The following CNOT1 variants were observed in gnomAD, a reference collection of about 807,000 sequenced individuals.
CNOT1 encodes CCR4-associated factor 1.
Under a neutral mutation model 273.8 loss-of-function variants are expected in CNOT1, and 15 were observed. The observed-to-expected ratio is 0.05, with a 90% CI of 0.04 to 0.08. The LOEUF (loss-of-function observed/expected upper bound fraction) is 0.08. Ranked by LOEUF, CNOT1 falls within the 10% of genes least tolerant of loss-of-function variation. The pLI, the probability that CNOT1 is intolerant of heterozygous loss-of-function variation, is 1.00. For missense variants in CNOT1, 1,644 were observed against 2,912.2 expected (o/e 0.56, Z 10.02); for synonymous variants, 1,022 against 1,005.5 (o/e 1.02, Z -0.31).
intron 46 of CNOT1, chr16:58,523,941 T>C (rs1168196537): frequency 6.5e-6 from 1 of 154,382 alleles, no homozygotes; most frequent in Non-Finnish European, 1.4e-5. Flanking sequence ...AATGTAAATG[T>C]TGTTTTATGA....
chr16:58,546,191 A>T, intron 29 of CNOT1, 130 bp downstream of exon 29: 2 of 783,846 alleles, frequency 2.6e-6, no homozygotes, highest in Non-Finnish European at 4.1e-6. Flanking sequence ...TAGAAGGCTC[A>T]CCAAAACGTA....
Position 58,521,016 on chromosome 16 carries a change from T to C in CNOT1, c.7073A>G (p.Gln2358Arg). ...GGCCTGCTTCTGTCCCATGCAGCAC[T>C]GTGCGACCGACTGGAATAACCTGAA... ...EIEKLFQSVA[Q>R]CCMGQKQAQQ... Residue 2358 changes from glutamine (Q) to arginine (R), a missense_variant, in exon 49 of 49, where the codon CAG (glutamine) becomes CGG (arginine). Transcript: ENST00000317147. The C allele has an allele frequency of 6.2e-7, 1 of 1,614,102 alleles. No homozygotes were observed. The highest frequency in any genetic ancestry group is 8.5e-7 in the Non-Finnish European group (1 of 1,180,032).
In CNOT1 at chr16:58,576,520, C is replaced by G; in HGVS notation, c.1647G>C (p.Gly549=). The stretch of plus-strand genomic sequence containing the variant: ...ACAATTTGGCCTGATCATACTGCTC[C>G]CCTCTCATGTACCATTCTGCCATTG... ...MHAMAEWYMR[G]EQYDQAKLSR... Residue 549 remains glycine, a synonymous_variant, in exon 14 of 49, where the codon GGG becomes GGC. Coordinates refer to ENST00000317147, the MANE Select transcript of CNOT1 (RefSeq NM_016284.5). 1 of 1,614,190 alleles carries G rather than the reference C, an allele frequency of 6.2e-7. No individual in the cohort carries two copies.
chr16:58,608,417 T>C (rs2042764805), intron 1 of CNOT1, among the ~76,000 whole-genome samples: 1 of 151,748 alleles, frequency 6.6e-6, no homozygotes, highest in Admixed American at 6.6e-5. Context: ...TAGCCAGGCA[T>C]AGTGGCTCGT....
chr16:58,559,338 C>T (rs2040751865), intron 17 of CNOT1, among the ~76,000 whole-genome samples: 1 of 152,272 alleles, frequency 6.6e-6, no homozygotes, highest in South Asian at 2.1e-4. Flanking sequence ...TTAGTAGTGA[C>T]ATGGGACACT....
chr16:58,530,209 C>A, intron 43 of CNOT1, 37 bp downstream of exon 43: 1 of 1,498,138 alleles, frequency 6.7e-7, no homozygotes, highest in Non-Finnish European at 9.2e-7. Context: ...CTTAAGATCT[C>A]AGTTATTTTA....
intron 2 of CNOT1, among the ~76,000 whole-genome samples, chr16:58,597,146 A>G (rs577309220): frequency 6.6e-6 from 1 of 151,750 alleles, no homozygotes; most frequent in African/African-American, 2.4e-5. Flanking sequence ...TTGAAGGACA[A>G]TTTCTAGAAA....
chr16:58,615,992 G>A (rs1257145845), intron 1 of CNOT1, among the ~76,000 whole-genome samples: 1 of 122,768 alleles, frequency 8.1e-6, no homozygotes, highest in Non-Finnish European at 1.9e-5. Flanking sequence ...GAGGCTGAAG[G>A]GGGAGGACTG....
intron 39 of CNOT1, among the ~76,000 whole-genome samples, chr16:58,534,939 G>C (rs868663490): frequency 1.3e-5 from 2 of 152,078 alleles, no homozygotes; most frequent in African/African-American, 4.8e-5. Context: ...TCTGATCTAG[G>C]TATTTTAATG....
At chr16:58,578,645 AAAG>A (rs767205176) in intron 13 of CNOT1, 51 bp downstream of exon 13, 75 of 1,597,538 alleles carry the variant, frequency 4.7e-5, no homozygotes, top group African/African-American at 8.0e-5. Context: ...TCAACACTCC[AAAG>A]AAGATCAATT....
intron 2 of CNOT1, among the ~76,000 whole-genome samples, chr16:58,596,035 A>C (rs2042238608): frequency 6.6e-6 from 1 of 152,246 alleles, no homozygotes; most frequent in African/African-American, 2.4e-5. Context: ...TACAATTTTC[A>C]CATAAAAACT....
At position 58,548,362 on chromosome 16, in the gene CNOT1, CTG is replaced by C. The variant is rs778282668; in HGVS notation, c.3523-682_3523-681del. ...GCACACATGTATATACCCATCTACT[CTG>C]TGGTACCTCTTGACTTAGGGCTATA... On this transcript the variant is annotated intron_variant, in intron 25 of 48. Transcript: ENST00000317147. The C allele has an allele frequency of 1.8e-4, 72 of 411,212 alleles. 1 individual carries two copies. Among genetic ancestry groups the C allele is most frequent in the Admixed American group, 6.4e-4 (22 of 34,176 alleles). 25.5% of individuals were successfully genotyped at this position (411,212 alleles called of 1,614,324 possible). A position where few individuals can be genotyped will look rare whatever the true frequency, so the allele number is the denominator to read the frequency against.
At chr16:58,581,921 C>T (rs2041671800) in intron 10 of CNOT1, among the ~76,000 whole-genome samples, 1 of 151,980 alleles carries the variant, frequency 6.6e-6, no homozygotes, top group East Asian at 1.9e-4. Context: ...CCTCGGCCTC[C>T]CAAAATGCTG....
At chr16:58,585,977 T>A (rs150503559) in intron 7 of CNOT1, among the ~76,000 whole-genome samples, 1 of 151,776 alleles carries the variant, frequency 6.6e-6, no homozygotes, top group Non-Finnish European at 1.5e-5. Flanking sequence ...TAATCCACTA[T>A]CAGATTTGTT....
rs112126534 is a variant in CNOT1, at chr16:58,625,381, G to A, written c.-175+4347C>T. Among the ~76,000 whole-genome samples the A allele has an allele frequency of 2.7e-3, 415 of 152,128 alleles. 2 individuals are homozygous for A. The highest frequency in any genetic ancestry group is 9.4e-3 in the African/African-American group (390 of 41,506). ...CAAAAAATTAGCCGGGCATGGCGGC[G>A]TGCGCCTGTAATCCCAGCTATTCAG... On this transcript the variant is annotated intron_variant, in intron 1 of 48. Transcript: ENST00000317147.
At chr16:58,607,757 G>A (rs72790294) in intron 1 of CNOT1, among the ~76,000 whole-genome samples, 3,799 of 91,550 alleles carry the variant, frequency 0.041, 48 homozygotes, top group African/African-American at 0.072. Flanking sequence ...GAAAGAAAAG[G>A]GCTATCTAAA....
At chr16:58,625,356 C>A (rs1008883012) in intron 1 of CNOT1, among the ~76,000 whole-genome samples, 1 of 152,022 alleles carries the variant, frequency 6.6e-6, no homozygotes, top group South Asian at 2.1e-4. Context: ...CTACTAAATA[C>A]AAAAAATTAG....
rs1597559520 is a variant in CNOT1, at chr16:58,598,420, T to A, written c.102+816A>T. Among the ~76,000 whole-genome samples the A allele has an allele frequency of 1.0e-4, 13 of 123,988 alleles. No homozygotes were observed. The South Asian group carries it at 2.9e-3, about 27-fold the overall frequency. 81.3% of individuals were successfully genotyped at this position (123,988 alleles called of 152,430 possible). ...CTCAAAAAAAAAAAAAAAAAAAAAA[T>A]TAGCTGGGTGTGGTGGTGGGCGCCT... On this transcript the variant is annotated intron_variant, in intron 2 of 48. Coordinates refer to ENST00000317147, the MANE Select transcript of CNOT1 (RefSeq NM_016284.5).
intron 47 of CNOT1, among the ~76,000 whole-genome samples, chr16:58,522,237 C>CAAAAAAAAAAAAAAAAAAAA (rs56149974): frequency 1.0e-5 from 1 of 98,556 alleles, no homozygotes; most frequent in African/African-American, 4.2e-5. Context: ...GAGACTGTCT[C>CAAAAAAAAAAAAAAAAAAAA]AAAAAAAAAA....
Sources: allele counts gnomAD v4.1 joint callset (sites outside exome capture counted in the v4.1 genomes callset), GRCh38; gene constraint gnomAD v4.1.1; transcripts MANE v1.5; gene names NCBI Gene and HGNC (gene_info 2026-07-23, HGNC 2026-07-21).